Variants in AGBL1 observed in about 807,000 individuals in gnomAD.
AGBL1 encodes the protein AGBL carboxypeptidase 1.
In AGBL1, 130 loss-of-function variants were observed where a neutral mutation model predicts 118.9. The observed-to-expected ratio is 1.09, with a 90% CI of 0.95 to 1.26. The LOEUF (loss-of-function observed/expected upper bound fraction) is 1.26, where lower values mean the gene tolerates loss of function less well. Among genes scored for constraint, AGBL1 ranks in the 50% most tolerant of loss-of-function variants. The pLI is 0.00. For synonymous variants in AGBL1, 555 were observed against 478.9 expected (o/e 1.16, Z -2.08); for missense variants, 1,584 against 1,298.1 (o/e 1.22, Z -3.38).
chr15:86,369,393 A>G (rs2080937277), intron 17 of AGBL1, among the ~76,000 whole-genome samples: 1 of 152,172 alleles, frequency 6.6e-6, no homozygotes, highest in Admixed American at 6.5e-5. Context: ...GTTATAGGCT[A>G]AAGAAAACCA....
At chr15:86,591,488 G>C (rs571955464) in intron 21 of AGBL1, among the ~76,000 whole-genome samples, 1 of 152,178 alleles carries the variant, frequency 6.6e-6, no homozygotes, top group Non-Finnish European at 1.5e-5. Context: ...GGGTTCCCAT[G>C]ATTACCTCTT....
intron 5 of AGBL1, among the ~76,000 whole-genome samples, chr15:86,163,845 C>A (rs747042253): frequency 6.6e-6 from 1 of 152,228 alleles, no homozygotes; most frequent in African/African-American, 2.4e-5. Context: ...TGAGTAGGTG[C>A]TATGCTAGGC....
At chr15:86,432,464 T>TTTA in intron 18 of AGBL1, among the ~76,000 whole-genome samples, 1 of 152,180 alleles carries the variant, frequency 6.6e-6, no homozygotes, top group African/African-American at 2.4e-5. Flanking sequence ...GATTAGCCTG[T>TTTA]GTTAGTGTGT....
At chr15:86,992,046 A>G (rs1352510902) in intron 24 of AGBL1, among the ~76,000 whole-genome samples, 1 of 152,178 alleles carries the variant, frequency 6.6e-6, no homozygotes, top group Non-Finnish European at 1.5e-5. Flanking sequence ...TACAGGCTGT[A>G]CAGGAAGCAT....
At chr15:86,088,403 T>C (rs756715153) in intron 1 of AGBL1, 11 of 152,276 alleles carry the variant, frequency 7.2e-5, no homozygotes, top group Non-Finnish European at 1.2e-4. Context: ...ACCTGAACTA[T>C]GCAGTTCAGA....
At chr15:86,385,730 A>G (rs560157658) in intron 17 of AGBL1, among the ~76,000 whole-genome samples, 11 of 152,266 alleles carry the variant, frequency 7.2e-5, no homozygotes, top group African/African-American at 2.6e-4. Context: ...CACTTCATGG[A>G]TGAAGACTCT....
intron 22 of AGBL1, among the ~76,000 whole-genome samples, chr15:86,820,454 A>G (rs956822414): frequency 2.0e-5 from 3 of 151,912 alleles, no homozygotes; most frequent in African/African-American, 4.8e-5. Flanking sequence ...ATGAGAAACA[A>G]TCCCATCAAA....
chr15:86,495,607 C>G (rs566758754), intron 18 of AGBL1, among the ~76,000 whole-genome samples: 1 of 152,028 alleles, frequency 6.6e-6, no homozygotes, highest in East Asian at 1.9e-4. Flanking sequence ...GAACGCTGTT[C>G]TTATAACTTT....
At chr15:86,196,879 GCACACACACACACACACACACA>G (rs59632011) in intron 5 of AGBL1, among the ~76,000 whole-genome samples, 2 of 116,962 alleles carry the variant, frequency 1.7e-5, no homozygotes, top group East Asian at 2.4e-4. Context: ...GCGCGCGCGC[GCACACACACACACACACACACA>G]CACACACACA....
intron 22 of AGBL1, among the ~76,000 whole-genome samples, chr15:86,814,616 G>A (rs551645714): frequency 6.6e-6 from 1 of 152,286 alleles, no homozygotes; most frequent in African/African-American, 2.4e-5. Flanking sequence ...GTTACTTAGA[G>A]TAAGAGTTGG....
chr15:86,786,223 A>G (rs940529678), intron 22 of AGBL1, among the ~76,000 whole-genome samples: 2 of 152,084 alleles, frequency 1.3e-5, no homozygotes, highest in Non-Finnish European at 2.9e-5. Context: ...GTCATTTAGC[A>G]TTAGGTATAT....
At chr15:86,663,891 C>T (rs2085593161) in intron 21 of AGBL1, among the ~76,000 whole-genome samples, 1 of 152,088 alleles carries the variant, frequency 6.6e-6, no homozygotes, top group South Asian at 2.1e-4. Context: ...CTCTAGGCTA[C>T]CTAATGATAT....
chr15:86,403,869 T>C (rs762472289), intron 18 of AGBL1, among the ~76,000 whole-genome samples: 7 of 152,130 alleles, frequency 4.6e-5, no homozygotes, highest in Non-Finnish European at 1.0e-4. Context: ...TATTATTTAG[T>C]CCCAGTCATT....
chr15:86,518,067 C>A (rs895648167), intron 18 of AGBL1, among the ~76,000 whole-genome samples: 2 of 152,194 alleles, frequency 1.3e-5, no homozygotes, highest in Admixed American at 1.3e-4. Flanking sequence ...TCTAGCCTGG[C>A]ATCATTCATT....
rs938527619 is a variant in AGBL1 at position 86,610,634 on chromosome 15, C to T, written c.2994+56097C>T. Among the ~76,000 whole-genome samples, 3 of 152,274 alleles carry T rather than the reference C, an allele frequency of 2.0e-5. No individual in the cohort carries two copies. The South Asian group carries it at 6.2e-4, about 32-fold the overall frequency. ...CAAATCCAAATTATTTCCCGCAAAT[C>T]TATGGGGAAGAATAAAAGGAATGTT... On this transcript the variant is annotated intron_variant, in intron 21 of 22. Transcript: ENST00000614907.
At chr15:86,683,556 A>G (rs1022655401) in intron 22 of AGBL1, among the ~76,000 whole-genome samples, 1 of 152,314 alleles carries the variant, frequency 6.6e-6, no homozygotes, top group South Asian at 2.1e-4. Context: ...GGTGTAGTTA[A>G]GTGATTTACA....
chr15:86,617,168 G>A (rs1309659167), intron 21 of AGBL1, among the ~76,000 whole-genome samples: 2 of 152,248 alleles, frequency 1.3e-5, no homozygotes, highest in East Asian at 1.9e-4. Context: ...TCTATAAAGG[G>A]TCCTGCTTTT....
At chr15:86,360,181 T>C (rs1011007329) in intron 17 of AGBL1, among the ~76,000 whole-genome samples, 9 of 152,034 alleles carry the variant, frequency 5.9e-5, no homozygotes, top group African/African-American at 2.2e-4. Context: ...GGGCATTTAA[T>C]ATATGGCTTT....
At chr15:86,368,945 G>A (rs2080930937) in intron 17 of AGBL1, among the ~76,000 whole-genome samples, 1 of 152,050 alleles carries the variant, frequency 6.6e-6, no homozygotes, top group African/African-American at 2.4e-5. Flanking sequence ...TCTGCGCCTG[G>A]GAGAAAAACA....
Sources: allele counts gnomAD v4.1 joint callset (sites outside exome capture counted in the v4.1 genomes callset), GRCh38; gene constraint gnomAD v4.1.1; transcripts MANE v1.5; gene names NCBI Gene and HGNC (gene_info 2026-07-23, HGNC 2026-07-21).